Variants in ROBO4 observed in about 807,000 individuals in gnomAD.
ROBO4 encodes the protein roundabout guidance receptor 4.
Under a neutral mutation model 103.3 loss-of-function variants are expected in ROBO4, and 80 were observed. The observed-to-expected ratio is 0.77, with a 90% CI of 0.65 to 0.93. The LOEUF (loss-of-function observed/expected upper bound fraction) is 0.93, where lower values mean the gene tolerates loss of function less well. Among genes scored for constraint, ROBO4 ranks in the 40% least tolerant of loss-of-function variants. The probability of loss-of-function intolerance (pLI) is 0.00; values close to 1 mark genes in which losing one functional copy is unlikely to be tolerated. For missense variants in ROBO4, 1,333 were observed against 1,305.3 expected (o/e 1.02, Z -0.33); for synonymous variants, 504 against 529.7 (o/e 0.95, Z 0.67).
chr11:124,893,624 C>T, intron 10 of ROBO4, 64 bp downstream of exon 10: 2 of 1,463,400 alleles, frequency 1.4e-6, no homozygotes, highest in South Asian at 1.1e-5. Context: ...CCATTCTTCT[C>T]TGTTGCAGCT....
chr11:124,887,676 C>G, intron 13 of ROBO4, 57 bp downstream of exon 13: 1 of 1,566,904 alleles, frequency 6.4e-7, no homozygotes, highest in Non-Finnish European at 8.7e-7. Flanking sequence ...TGGTAAGCCC[C>G]TGCATCCCTA....
rs745466043 is a variant in ROBO4 at position 124,895,208 on chromosome 11, G to A, written c.1037-15C>T. 6.3e-7 allele frequency: 1 copy of A among 1,584,574 alleles called. No homozygotes were observed. The highest frequency in any genetic ancestry group is 1.1e-5 in the South Asian group (1 of 90,354). On this transcript the variant is annotated splice_polypyrimidine_tract_variant and intron_variant, in intron 6 of 17. Transcript: ENST00000306534. The stretch of plus-strand genomic sequence containing the variant: ...GGCACTGGGCACTGGAGGGGTGGAA[G>A]AGAGACTATGAGGGGCTCTGAGGGA...
At position 124,884,775 on chromosome 11, in the gene ROBO4, G is replaced by C; in HGVS notation, c.*116C>G. ...GGAGAACTCTCTGGAGGCTTGGGAA[G>C]GTGGACCCCAGCTGCAGAGAAACAC... On this transcript the variant is annotated 3_prime_UTR_variant, in exon 18 of 18. Coordinates refer to ENST00000306534, the MANE Select transcript of ROBO4 (RefSeq NM_019055.6). The C allele has an allele frequency of 8.6e-7, 1 of 1,157,774 alleles. No homozygotes were observed. Among genetic ancestry groups the C allele is most frequent in the Non-Finnish European group, 1.3e-6 (1 of 770,004 alleles). The allele number at this position is 1,157,774 out of a possible 1,614,324, so 71.7% of individuals were successfully genotyped here. A position where few individuals can be genotyped will look rare whatever the true frequency, so the allele number is the denominator to read the frequency against.
rs1304993167 is a variant in ROBO4, at chr11:124,884,722, G to A, written c.*169C>T. ...TCCAGGTCAGCTTTGCTCTAATTTTGTTTTCATTTGTTTTCACAATCGTGG... is the reference window on the plus strand; with the variant it reads ...TCCAGGTCAGCTTTGCTCTAATTTTATTTTCATTTGTTTTCACAATCGTGG... On this transcript the variant is annotated 3_prime_UTR_variant, in exon 18 of 18. Coordinates refer to ENST00000306534, the MANE Select transcript of ROBO4 (RefSeq NM_019055.6). 3 of 762,160 alleles carry A rather than the reference G, an allele frequency of 3.9e-6. No individual in the cohort carries two copies. Among genetic ancestry groups the A allele is most frequent in the African/African-American group, 1.7e-5 (1 of 57,288 alleles). The allele number at this position is 762,160 out of a possible 1,614,324, so 47.2% of individuals were successfully genotyped here.
At position 124,891,698 on chromosome 11, in the gene ROBO4, T is replaced by C. The variant is rs1355421563; in HGVS notation, c.1652A>G (p.Asp551Gly). 1.9e-6 allele frequency: 3 copies of C among 1,613,958 alleles called. No homozygotes were observed. The highest frequency in any genetic ancestry group is 1.3e-5 in the African/African-American group (1 of 74,874). Residue 551 changes from aspartate (D) to glycine (G), a missense_variant, in exon 11 of 18, where the codon GAT becomes GGT. Coordinates refer to ENST00000306534, the MANE Select transcript of ROBO4 (RefSeq NM_019055.6). ...SSSLSSRLGA[D>G]ARDPLDCRRS... The stretch of plus-strand genomic sequence containing the variant: ...ACGACAGTCTAGTGGGTCCCGGGCA[T>C]CCGCCCCCAGCCGACTGCTGAGGCT...
intron 7 of ROBO4, 31 bp from the exon 8 acceptor site, chr11:124,894,400 C>T (rs1946849348): frequency 1.3e-6 from 2 of 1,591,898 alleles, no homozygotes; most frequent in African/African-American, 1.3e-5. Context: ...AACAGCTTCC[C>T]CAGGCACCAT....
Position 124,891,398 on chromosome 11 carries a change from G to C in ROBO4, c.1849C>G (p.Pro617Ala), listed in dbSNP as rs376195962. 10 of 1,579,016 alleles carry C rather than the reference G, an allele frequency of 6.3e-6. No homozygotes were observed. Among genetic ancestry groups the C allele is most frequent in the African/African-American group, 1.3e-5 (1 of 74,512 alleles). Residue 617 changes from proline to alanine, a missense_variant, in exon 12 of 18, where the codon CCC (proline) becomes GCC (alanine). Physicochemically the swap from Pro to Ala is conservative, Grantham distance 27 (BLOSUM62 -1). Coordinates refer to ENST00000306534, the MANE Select transcript of ROBO4 (RefSeq NM_019055.6). Reference protein sequence around the residue: ...LPPQLAQLSSPCSSSDSLCSR... With the variant: ...LPPQLAQLSSACSSSDSLCSR... Reference sequence around the variant, plus strand: ...CAGAGGCTGTCTGAGCTGGAACAGGGGCTGGAGAGCTGGGCCAGCTGGGGT... The same window carrying C: ...CAGAGGCTGTCTGAGCTGGAACAGGCGCTGGAGAGCTGGGCCAGCTGGGGT...
At position 124,884,479 on chromosome 11, in the gene ROBO4, G is replaced by T. The variant is rs533366863; in HGVS notation, c.*412C>A. 3 of 225,128 alleles carry T rather than the reference G, an allele frequency of 1.3e-5. No homozygotes were observed. The East Asian group carries it at 3.3e-4, about 25-fold the overall frequency. 13.9% of individuals were successfully genotyped at this position (225,128 alleles called of 1,614,324 possible). A position where few individuals can be genotyped will look rare whatever the true frequency, so the allele number is the denominator to read the frequency against. ...CCAGGTAAGGCTGAGAGGGGGCTCC[G>T]AGAAGCTCCTTCCTCCACAGCCCTC... On this transcript the variant is annotated 3_prime_UTR_variant, in exon 18 of 18. Coordinates refer to ENST00000306534, the MANE Select transcript of ROBO4 (RefSeq NM_019055.6).
At chr11:124,886,365 A>C in intron 16 of ROBO4, 99 bp downstream of exon 16, 1 of 922,870 alleles carries the variant, frequency 1.1e-6, no homozygotes, top group Non-Finnish European at 1.7e-6. Flanking sequence ...TACAATAATC[A>C]TTCAATAAAA....
chr11:124,896,121 C>T (rs1013437877), intron 4 of ROBO4, 77 bp downstream of exon 4: 9 of 1,580,960 alleles, frequency 5.7e-6, no homozygotes, highest in African/African-American at 1.3e-5. Context: ...ATACCTTAAC[C>T]CCAGCCCAAA....
chr11:124,892,162 A>G (rs1946810989), intron 10 of ROBO4: 1 of 447,018 alleles, frequency 2.2e-6, no homozygotes, highest in Non-Finnish European at 4.3e-6. Flanking sequence ...TTGGGTAAGT[A>G]CATCCTCTCT....
Position 124,895,441 on chromosome 11 carries a change from G to C in ROBO4, c.1036+16C>G. 6.2e-7 allele frequency: 1 copy of C among 1,604,754 alleles called. No homozygotes were observed. Among genetic ancestry groups the C allele is most frequent in the South Asian group, 1.1e-5 (1 of 90,866 alleles). On this transcript the variant is annotated intron_variant, in intron 6 of 17. Transcript: ENST00000306534. ...AGAGGGGATATTGTTGGCTTCTGAAGGGATCAGGCCCTGACCTTTTTCCGG... is the reference window on the plus strand; with the variant it reads ...AGAGGGGATATTGTTGGCTTCTGAACGGATCAGGCCCTGACCTTTTTCCGG...
intron 10 of ROBO4, chr11:124,892,094 T>C: frequency 1.1e-5 from 7 of 612,934 alleles, no homozygotes; most frequent in Non-Finnish European, 2.1e-5. Context: ...TGAAGACAAA[T>C]CTGGTTTGAC....
At chr11:124,890,852 C>T (rs1209506250) in intron 12 of ROBO4, among the ~76,000 whole-genome samples, 1 of 152,318 alleles carries the variant, frequency 6.6e-6, no homozygotes, top group South Asian at 2.1e-4. Flanking sequence ...GAGATGAGCT[C>T]GTGGGAGCCT....
Position 124,895,135 on chromosome 11 carries a change from C to T in ROBO4, c.1095G>A (p.Val365=), listed in dbSNP as rs1946862703. The change falls in exon 7 of 18, where the codon GTG becomes GTA. Residue 365 remains valine (V), a synonymous_variant. Transcript: ENST00000306534. ...TLKPGNGTVF[V]SWVPPPAENH... ...TTTCAGCAGGTGGTGGGACCCAGCTCACAAAGACAGTGCCATTGCCAGGCT... is the reference window on the plus strand; with the variant it reads ...TTTCAGCAGGTGGTGGGACCCAGCTTACAAAGACAGTGCCATTGCCAGGCT... The T allele has an allele frequency of 1.2e-6, 2 of 1,614,022 alleles. No individual in the cohort carries two copies. The highest frequency in any genetic ancestry group is 1.3e-5 in the African/African-American group (1 of 74,900).
chr11:124,897,604 C>A, intron 1 of ROBO4, 122 bp downstream of exon 1: 1 of 786,552 alleles, frequency 1.3e-6, no homozygotes, highest in South Asian at 1.6e-5. Context: ...TCATCATCAT[C>A]ATCCTCATCC....
chr11:124,887,858 G>A lies in ROBO4; in HGVS notation c.1949-18C>T, dbSNP rs200076421. 57 of 1,604,846 alleles carry A rather than the reference G, an allele frequency of 3.6e-5. No individual in the cohort carries two copies. In the African/African-American group the frequency reaches 6.6e-4, roughly 19 times the overall value. ...CTGCAGCTCTGCAAAGAAAGGGTTG[G>A]TGGTTGTGGGGCCCAGGATGGACTT... On this transcript the variant is annotated intron_variant, in intron 12 of 17. Coordinates refer to ENST00000306534, the MANE Select transcript of ROBO4 (RefSeq NM_019055.6).
Position 124,895,605 on chromosome 11 carries a change from C to G in ROBO4, c.888G>C (p.Pro296=). 1 of 1,613,684 alleles carries G rather than the reference C, an allele frequency of 6.2e-7. No individual in the cohort carries two copies. The highest frequency in any genetic ancestry group is 8.5e-7 in the Non-Finnish European group (1 of 1,180,026). ...AGCCGGCCAGCAGCTCCTCTGCCCA[C>G]GGAGCTCCCTGGCCTCCCGGGGCAG... ...TQTAPGGQGA[P]WAEELLAGWQ... The change falls in exon 6 of 18, where the codon CCG becomes CCC. Residue 296 remains proline, a synonymous_variant. Coordinates refer to ENST00000306534, the MANE Select transcript of ROBO4 (RefSeq NM_019055.6).
Position 124,887,137 on chromosome 11 carries a change from G to A in ROBO4, c.2275C>T (p.Pro759Ser), listed in dbSNP as rs201157134. 1.2e-6 allele frequency: 2 copies of A among 1,612,832 alleles called. No homozygotes were observed. Among genetic ancestry groups the A allele is most frequent in the African/African-American group, 1.3e-5 (1 of 74,852 alleles). The change falls in exon 15 of 18, where the codon CCC becomes TCC. Residue 759 changes from proline to serine, a missense_variant. Coordinates refer to ENST00000306534, the MANE Select transcript of ROBO4 (RefSeq NM_019055.6). ...AGGGAAGAGGCCTGGGGGCTAGGGG[G>A]ACTGCAGGGGCTAAGGATGGGGATG... The part of the protein sequence containing the change: ...APIPILSPCS[P>S]PSPQASSLSG...
Sources: allele counts gnomAD v4.1 joint callset (sites outside exome capture counted in the v4.1 genomes callset), GRCh38; gene constraint gnomAD v4.1.1; transcripts MANE v1.5; gene names NCBI Gene and HGNC (gene_info 2026-07-23, HGNC 2026-07-21).